Variants in LBR observed in about 807,000 individuals in gnomAD.
LBR encodes the protein lamin B receptor.
LBR carries 28 observed loss-of-function variants against 74.3 expected under a neutral mutation model. The ratio of observed to expected loss-of-function variants is 0.38; its 90% confidence interval spans 0.28 to 0.52. LBR has a LOEUF of 0.52. LBR is among the 20% of genes least tolerant of loss of function. LBR has a pLI of 0.89. For synonymous variants in LBR, 228 were observed against 269.3 expected, an observed-to-expected ratio of 0.85 and a Z score of 1.50; for missense variants, 717 against 760.3, an observed-to-expected ratio of 0.94 and a Z score of 0.67.
intron 10 of LBR, among the ~76,000 whole-genome samples, chr1:225,408,268 A>G (rs1454249755): frequency 6.6e-6 from 1 of 152,128 alleles, no homozygotes; most frequent in Non-Finnish European, 1.5e-5. Context: ...GCGCCCACAT[A>G]TAAGTGAGGA....
chr1:225,417,812 C>G, intron 6 of LBR, 172 bp downstream of exon 6: 1 of 631,012 alleles, frequency 1.6e-6, no homozygotes, highest in South Asian at 1.9e-5. Flanking sequence ...CCAACAACAG[C>G]CTTTAACCTT....
chr1:225,413,887 G>A, intron 7 of LBR: 1 of 453,878 alleles, frequency 2.2e-6, no homozygotes, highest in Non-Finnish European at 4.5e-6. Context: ...TCCAAGTGCT[G>A]TGCTCAGTCT....
At chr1:225,405,781 ACT>A (rs1159847633) in intron 11 of LBR, among the ~76,000 whole-genome samples, 12 of 152,370 alleles carry the variant, frequency 7.9e-5, no homozygotes, top group Non-Finnish European at 2.9e-5. Flanking sequence ...TATAAAATAC[ACT>A]GTCTTGAATA....
chr1:225,419,648 G>A, intron 4 of LBR, 67 bp downstream of exon 4: 1 of 1,174,576 alleles, frequency 8.5e-7, no homozygotes, highest in East Asian at 2.3e-5. Flanking sequence ...CTTCTCAAGG[G>A]AGAGTCACTT....
At chr1:225,422,300 A>G in intron 2 of LBR, 23 bp from the exon 3 acceptor site, 1 of 1,592,294 alleles carries the variant, frequency 6.3e-7, no homozygotes, top group East Asian at 2.2e-5. Context: ...AAGAAGGCAA[A>G]GAGCTTTACC....
At position 225,422,107 on chromosome 1, in the gene LBR, T is replaced by G. The variant is rs1344726084; in HGVS notation, c.336A>C (p.Glu112Asp). ...TCAGCGGAGTCAATTTAACTTCCAC[T>G]TCCCTCCTTGCTTCCTTAATGTCGG... ...HQADIKEARR[E>D]VEVKLTPLIL... The change falls in exon 3 of 14, where the codon GAA becomes GAC. Residue 112 changes from glutamate to aspartate, a missense_variant. By Grantham distance (45) the Glu-to-Asp change is conservative (BLOSUM62 2). Transcript: ENST00000272163. 6.2e-7 allele frequency: 1 copy of G among 1,614,002 alleles called. No individual in the cohort carries two copies. The highest frequency in any genetic ancestry group is 2.2e-5 in the East Asian group (1 of 44,892).
At chr1:225,407,234 TGTCTA>T (rs2096094044) in intron 10 of LBR, among the ~76,000 whole-genome samples, 1 of 152,136 alleles carries the variant, frequency 6.6e-6, no homozygotes, top group Non-Finnish European at 1.5e-5. Context: ...TTACTGTACT[TGTCTA>T]GTCACTCTTC....
rs773353718 is a variant in LBR, at chr1:225,403,317, G to T, written c.1834C>A (p.Pro612Thr). 2 of 1,613,724 alleles carry T rather than the reference G, an allele frequency of 1.2e-6. No homozygotes were observed. The highest frequency in any genetic ancestry group is 1.7e-6 in the Non-Finnish European group (2 of 1,179,910). ...YCQRVPYRIFPYIY is the reference protein window; with the variant it reads ...YCQRVPYRIFTYIY Reference sequence around the variant, plus strand: ...CCAGAAGAGCATTAGTAGATGTATGGAAATATACGGTAGGGCACACGCTGA... The same window carrying T: ...CCAGAAGAGCATTAGTAGATGTATGTAAATATACGGTAGGGCACACGCTGA... Residue 612 changes from proline (P) to threonine (T), a missense_variant, in exon 14 of 14, where the codon CCA becomes ACA. By Grantham distance (38) the Pro-to-Thr change is conservative. Coordinates refer to ENST00000272163, the MANE Select transcript of LBR (RefSeq NM_002296.4).
upstream of LBR, among the ~76,000 whole-genome samples, chr1:225,428,396 A>G (rs1461565017): frequency 6.6e-6 from 1 of 152,184 alleles, no homozygotes; most frequent in African/African-American, 2.4e-5. Flanking sequence ...CAGCGCTCGC[A>G]GCAGTGTTTG....
rs527671826 is a variant in LBR, at chr1:225,412,527, A to G, written c.1011T>C (p.Cys337=). The G allele has an allele frequency of 2.5e-6, 4 of 1,614,166 alleles. No homozygotes were observed. The South Asian group carries it at 4.4e-5, about 18-fold the overall frequency. ...TGTAGAGATACACACTCAAGACCAC[A>G]CAAAAAACAGTGGCCGCAAGTGCAA... ...LQFALAATVF[C]VVLSVYLYMR... Residue 337 remains cysteine (C), a synonymous_variant, in exon 8 of 14, where the codon TGT becomes TGC. Coordinates refer to ENST00000272163, the MANE Select transcript of LBR (RefSeq NM_002296.4).
At chr1:225,416,985 T>C (rs1184907132) in intron 6 of LBR, among the ~76,000 whole-genome samples, 7 of 152,132 alleles carry the variant, frequency 4.6e-5, no homozygotes, top group African/African-American at 7.2e-5. Context: ...GATGACTGCA[T>C]AATATTAATA....
At chr1:225,426,539 A>G (rs1261558751) in intron 1 of LBR, among the ~76,000 whole-genome samples, 1 of 152,232 alleles carries the variant, frequency 6.6e-6, no homozygotes, top group Non-Finnish European at 1.5e-5. Context: ...TGGCACTGCA[A>G]TCCTCACACA....
chr1:225,426,738 C>A (rs1332040791), intron 1 of LBR, among the ~76,000 whole-genome samples: 2 of 152,216 alleles, frequency 1.3e-5, no homozygotes, highest in Non-Finnish European at 2.9e-5. Context: ...AGGCAAAATG[C>A]AAACAGGAAC....
rs137852605 is a variant in LBR at position 225,422,087 on chromosome 1, G to A, written c.356C>T (p.Pro119Leu). Residue 119 changes from proline to leucine, a missense_variant, in exon 3 of 14, where the codon CCG becomes CTG. Pro to Leu is a moderately conservative substitution (Grantham distance 98). Transcript: ENST00000272163. ...ARREVEVKLT[P>L]LILKPFGNSI... Reference sequence around the variant, plus strand: ...GATAAACACAAGTACCAGAATCAGCGGAGTCAATTTAACTTCCACTTCCCT... The same window carrying A: ...GATAAACACAAGTACCAGAATCAGCAGAGTCAATTTAACTTCCACTTCCCT... 3 of 1,613,836 alleles carry A rather than the reference G, an allele frequency of 1.9e-6. No individual in the cohort carries two copies. Among genetic ancestry groups the A allele is most frequent in the Non-Finnish European group, 2.5e-6 (3 of 1,179,978 alleles).
chr1:225,411,905 G>A (rs542662331), intron 8 of LBR, among the ~76,000 whole-genome samples: 6 of 152,298 alleles, frequency 3.9e-5, no homozygotes, highest in East Asian at 1.9e-4. Context: ...CGCCTCCCAC[G>A]CTCAAGCGAT....
intron 7 of LBR, among the ~76,000 whole-genome samples, chr1:225,414,670 CA>C (rs1477973192): frequency 6.6e-6 from 1 of 152,202 alleles, no homozygotes; most frequent in African/African-American, 2.4e-5. Flanking sequence ...AAGAGTGTCA[CA>C]ATGAACATAG....
At position 225,422,253 on chromosome 1, in the gene LBR, T is replaced by C; in HGVS notation, c.190A>G (p.Lys64Glu). ...GGGGAACTGGAAGTTGAGCCACCTT[T>C]CCTTTGCCTAAAGGAAGTTAAAGGC... ...IKPLTSFRQR[K>E]GGSTSSSPSR... Residue 64 changes from lysine to glutamate, a missense_variant, in exon 3 of 14, where the codon AAA (lysine) becomes GAA (glutamate). Coordinates refer to ENST00000272163, the MANE Select transcript of LBR (RefSeq NM_002296.4). The C allele has an allele frequency of 6.2e-7, 1 of 1,613,680 alleles. No individual in the cohort carries two copies. Among genetic ancestry groups the C allele is most frequent in the Non-Finnish European group, 8.5e-7 (1 of 1,180,018 alleles).
At position 225,418,165 on chromosome 1, in the gene LBR, A is replaced by G. The variant is rs2230421; in HGVS notation, c.656T>C (p.Met219Thr). Residue 219 changes from methionine to threonine, a missense_variant, in exon 6 of 14, where the codon ATG becomes ACG. By Grantham distance (81) the Met-to-Thr change is moderately conservative. Coordinates refer to ENST00000272163, the MANE Select transcript of LBR (RefSeq NM_002296.4). ...FGGVPGVFLIMFGLPVFLFLL... is the reference protein window; with the variant it reads ...FGGVPGVFLITFGLPVFLFLL... Reference sequence around the variant, plus strand: ...GAAGAGGAACACAGGCAGGCCAAACATGATGAGAAACACACCTGCAAACAA... The same window carrying G: ...GAAGAGGAACACAGGCAGGCCAAACGTGATGAGAAACACACCTGCAAACAA... The G allele has an allele frequency of 3.1e-6, 5 of 1,613,718 alleles. No individual in the cohort carries two copies. The highest frequency in any genetic ancestry group is 4.2e-6 in the Non-Finnish European group (5 of 1,179,756).
Position 225,402,425 on chromosome 1 carries a change from A to C in LBR, c.*878T>G, listed in dbSNP as rs1035543740. On this transcript the variant is annotated 3_prime_UTR_variant, in exon 14 of 14. Transcript: ENST00000272163. ...TTGCAACAGTTTATAAAGGCAAACA[A>C]ACACCTGCAATTGAGGTAGCAAAGC... 9.8e-5 allele frequency: 15 copies of C among 152,472 alleles called. No individual in the cohort carries two copies. The highest frequency in any genetic ancestry group is 7.2e-4 in the Admixed American group (11 of 15,290). 9.4% of individuals were successfully genotyped at this position (152,472 alleles called of 1,614,324 possible).
Sources: gnomAD v4.1 joint callset for allele counts (sites outside exome capture counted in the v4.1 genomes callset) on GRCh38, gnomAD v4.1.1 for gene constraint, MANE v1.5 for transcripts, NCBI Gene and HGNC (gene_info 2026-07-23, HGNC 2026-07-21) for gene names.